PCDHGA2: variants seen among roughly 807,000 people sequenced by gnomAD.
PCDHGA2 encodes the protein protocadherin gamma-A2.
PCDHGA2 carries 40 observed loss-of-function variants against 59.2 expected under a neutral mutation model. The ratio of observed to expected loss-of-function variants is 0.68; its 90% CI spans 0.52 to 0.88. PCDHGA2 has a LOEUF of 0.88. Ranked by LOEUF, PCDHGA2 falls within the 40% of genes least tolerant of loss-of-function variation. PCDHGA2 has a pLI of 0.00. For missense variants in PCDHGA2, 1,226 were observed against 1,204.0 expected, an observed-to-expected ratio of 1.02 and a Z score of -0.27; for synonymous variants, 560 against 526.0, an observed-to-expected ratio of 1.06 and a Z score of -0.89.
intron 1 of PCDHGA2, among the ~76,000 whole-genome samples, chr5:141,482,988 G>A (rs982148755): frequency 2.6e-5 from 4 of 152,112 alleles, no homozygotes; most frequent in South Asian, 2.1e-4. Context: ...GAGAGGTCGA[G>A]GCAGGAGAAT....
At chr5:141,420,457 T>A in intron 1 of PCDHGA2, 1 of 927,890 alleles carries the variant, frequency 1.1e-6, no homozygotes. Flanking sequence ...TTCCTACTAT[T>A]CAAAGACATT....
chr5:141,448,720 C>T (rs545687728), intron 1 of PCDHGA2, among the ~76,000 whole-genome samples: 24 of 152,030 alleles, frequency 1.6e-4, no homozygotes, highest in African/African-American at 5.8e-4. Flanking sequence ...GCGGGAGGAT[C>T]ACGAGGTCAG....
intron 1 of PCDHGA2, chr5:141,427,068 G>A (rs1407368715): frequency 2.2e-6 from 1 of 457,950 alleles, no homozygotes; most frequent in East Asian, 6.9e-5. Flanking sequence ...TGTACTAAAG[G>A]TGACAGCCAC....
At chr5:141,393,479 C>A (rs375589587) in intron 1 of PCDHGA2, 1 of 1,613,940 alleles carries the variant, frequency 6.2e-7, no homozygotes, top group Non-Finnish European at 8.5e-7. Flanking sequence ...AGCCGCCTCG[C>A]TCTAGCACAG....
At position 141,485,073 on chromosome 5, in the gene PCDHGA2, C is replaced by T. The variant is rs1167407526; in HGVS notation, c.2425-9734C>T. ...CGGCCGAACCGCGCCAGAGCTGGCG[C>T]GGGGAAAGGGAGATAGGTGTCTCCA... On this transcript the variant is annotated intron_variant, in intron 1 of 3. Transcript: ENST00000394576. The surrounding 1 kb of genome is among the most constrained non-coding windows in gnomAD (Gnocchi z 5.7). 3.3e-6 allele frequency: 3 copies of T among 922,354 alleles called. No homozygotes were observed. The highest frequency in any genetic ancestry group is 4.8e-5 in the East Asian group (2 of 41,404). 57.1% of individuals were successfully genotyped at this position (922,354 alleles called of 1,614,324 possible).
intron 2 of PCDHGA2, 37 bp downstream of exon 2, chr5:141,494,902 C>T (rs2099757367): frequency 1.9e-6 from 3 of 1,614,024 alleles, no homozygotes; most frequent in Non-Finnish European, 2.5e-6. Flanking sequence ...CTCTTCTCTG[C>T]GGCATTTTCT....
chr5:141,416,306 G>A (rs1186519939), intron 1 of PCDHGA2: 1 of 152,186 alleles, frequency 6.6e-6, no homozygotes, highest in Non-Finnish European at 1.5e-5. Flanking sequence ...CTATGTGGAA[G>A]ATATAGCATT....
At chr5:141,366,750 A>T (rs530762959) in intron 1 of PCDHGA2, 92 of 1,607,760 alleles carry the variant, frequency 5.7e-5, no homozygotes, top group Non-Finnish European at 7.1e-5. Flanking sequence ...CGGCGAGTTC[A>T]GGTTAGTTTT....
chr5:141,353,966 T>C (rs540808482), intron 1 of PCDHGA2, among the ~76,000 whole-genome samples: 1 of 152,356 alleles, frequency 6.6e-6, no homozygotes, highest in Admixed American at 6.5e-5. Context: ...GCTTAAGAAC[T>C]GATGTACTGC....
At chr5:141,470,416 A>AT (rs1300623208) in intron 1 of PCDHGA2, among the ~76,000 whole-genome samples, 3 of 152,134 alleles carry the variant, frequency 2.0e-5, no homozygotes, top group African/African-American at 7.2e-5. Flanking sequence ...GATTTTATGT[A>AT]TTTTTTCCTT....
At chr5:141,409,954 C>T (rs774233531) in intron 1 of PCDHGA2, 3 of 1,613,356 alleles carry the variant, frequency 1.9e-6, no homozygotes, top group South Asian at 1.1e-5. Flanking sequence ...CTGCAGAGCC[C>T]GGCTACCTAG....
intron 1 of PCDHGA2, chr5:141,376,679 T>A (rs1008866087): frequency 1.9e-6 from 1 of 528,242 alleles, no homozygotes; most frequent in Non-Finnish European, 2.9e-6. Context: ...GGGTATCGTT[T>A]TTTTTTTTTT....
intron 1 of PCDHGA2, chr5:141,412,531 T>G (rs534627173): frequency 1.7e-4 from 26 of 152,304 alleles, no homozygotes; most frequent in African/African-American, 5.8e-4. Flanking sequence ...GTTACAATTA[T>G]AAAGCTTCAG....
chr5:141,511,351 C>T lies in PCDHGA2; in HGVS notation c.*178C>T. The T allele has an allele frequency of 3.6e-6, 5 of 1,386,550 alleles. No individual in the cohort carries two copies. Among genetic ancestry groups the T allele is most frequent in the South Asian group, 1.5e-5 (1 of 67,154 alleles). The allele number at this position is 1,386,550 out of a possible 1,614,324, so 85.9% of individuals were successfully genotyped here. On this transcript the variant is annotated 3_prime_UTR_variant, in exon 4 of 4. Transcript: ENST00000394576. ...CCAGTCAGCACCTACCCCTTCCCCC[C>T]CAGGGGGTTGAATATGCAAAAGCAG...
chr5:141,400,445 A>G (rs779145110), intron 1 of PCDHGA2: 1 of 1,614,084 alleles, frequency 6.2e-7, no homozygotes, highest in Non-Finnish European at 8.5e-7. Flanking sequence ...AGTTCAGGAC[A>G]AGACATACTT....
intron 2 of PCDHGA2, among the ~76,000 whole-genome samples, chr5:141,500,892 G>GAT (rs1036007799): frequency 1.1e-5 from 1 of 88,010 alleles, no homozygotes; most frequent in African/African-American, 7.1e-5. Flanking sequence ...TTTTTTTTGA[G>GAT]ACAGTCTCGC....
intron 1 of PCDHGA2, chr5:141,403,199 A>AC (rs1480420470): frequency 6.2e-7 from 1 of 1,613,812 alleles, no homozygotes; most frequent in African/African-American, 1.3e-5. Flanking sequence ...GCGCAGCGGC[A>AC]CCTTGGTCAC....
rs13436436 is a variant in PCDHGA2 at position 141,494,301 on chromosome 5, G to C, written c.2425-506G>C. Among the ~76,000 whole-genome samples, 1,119 of 152,302 alleles carry C rather than the reference G, an allele frequency of 7.3e-3. 11 individuals carry two copies. The highest frequency in any genetic ancestry group is 0.026 in the African/African-American group (1,077 of 41,560). Reference sequence around the variant, plus strand: ...CCAGAGAAGATGTCCCTGTGAATGTGTCACTGCACAACCTGGCACCAAAAG... The same window carrying C: ...CCAGAGAAGATGTCCCTGTGAATGTCTCACTGCACAACCTGGCACCAAAAG... On this transcript the variant is annotated intron_variant, in intron 1 of 3. Coordinates refer to ENST00000394576, the MANE Select transcript of PCDHGA2 (RefSeq NM_018915.4).
chr5:141,423,423 G>C (rs1561809630), intron 1 of PCDHGA2: 2 of 1,614,096 alleles, frequency 1.2e-6, no homozygotes, highest in Non-Finnish European at 8.5e-7. Flanking sequence ...CTGAAGGCGG[G>C]TTGGCAGGTA....
Sources: allele counts gnomAD v4.1 joint callset (sites outside exome capture counted in the v4.1 genomes callset), GRCh38; gene constraint gnomAD v4.1.1; non-coding constraint Gnocchi (gnomAD v3.1); transcripts MANE v1.5; gene names NCBI Gene and HGNC (gene_info 2026-07-23, HGNC 2026-07-21).